CD44: variants seen among roughly 807,000 people sequenced by gnomAD.
CD44 encodes the protein CD44 molecule (IN blood group).
A neutral mutation model predicts 88.8 loss-of-function variants in CD44; 49 were observed. The observed-to-expected ratio is 0.55, with a 90% CI of 0.44 to 0.70. The LOEUF is 0.70. Among genes scored for constraint, CD44 ranks in the 30% least tolerant of loss-of-function variants. The pLI, the probability that CD44 is intolerant of heterozygous loss-of-function variation, is 0.00. For synonymous variants in CD44, 325 were observed against 312.3 expected, an observed-to-expected ratio of 1.04 and a Z score of -0.43; for missense variants, 883 against 913.8, an observed-to-expected ratio of 0.97 and a Z score of 0.43.
intron 1 of CD44, among the ~76,000 whole-genome samples, chr11:35,142,037 T>C (rs1858082517): frequency 6.6e-6 from 1 of 152,096 alleles, no homozygotes; most frequent in South Asian, 2.1e-4. Context: ...TTAAGTGACA[T>C]TGGACCCAGA....
intron 1 of CD44, among the ~76,000 whole-genome samples, chr11:35,173,461 T>A (rs1944127073): frequency 6.6e-6 from 1 of 152,174 alleles, no homozygotes. Context: ...ATCAGCCGAG[T>A]GCTGCATGAG....
chr11:35,156,006 G>A (rs1384592172), intron 1 of CD44, among the ~76,000 whole-genome samples: 2 of 152,256 alleles, frequency 1.3e-5, no homozygotes, highest in African/African-American at 4.8e-5. Flanking sequence ...GCTAATTAGT[G>A]CAAATTCAGG....
chr11:35,210,120 G>A, intron 13 of CD44, 66 bp downstream of exon 13: 1 of 903,476 alleles, frequency 1.1e-6, no homozygotes, highest in Non-Finnish European at 1.7e-6. Context: ...GGGTACTTTT[G>A]CAGTGTCTTT....
rs534092015 is a variant in CD44 at position 35,147,878 on chromosome 11, CG to C, written c.67+8511del. 3.7e-4 allele frequency among the ~76,000 whole-genome samples: 57 copies of C among 152,160 alleles called. 1 individual carries two copies. In the South Asian group the frequency reaches 0.012, roughly 32 times the overall value. On this transcript the variant is annotated intron_variant, in intron 1 of 17. Coordinates refer to ENST00000428726, the MANE Select transcript of CD44 (RefSeq NM_000610.4). ...CCGAGGCAGGCGGATGACCTGAGGT[CG>C]GGAGTTCGAGACCAGCCTGACCAAC...
chr11:35,173,005 A>G (rs1944078507), intron 1 of CD44, among the ~76,000 whole-genome samples: 1 of 152,226 alleles, frequency 6.6e-6, no homozygotes, highest in South Asian at 2.1e-4. Flanking sequence ...ATTTTGCTGA[A>G]ACTCATGAAA....
At chr11:35,157,321 G>GTCTATCTATCTATCTATCTA (rs3838798) in intron 1 of CD44, among the ~76,000 whole-genome samples, 2 of 147,178 alleles carry the variant, frequency 1.4e-5, no homozygotes, top group Non-Finnish European at 3.0e-5. Flanking sequence ...CTGTCTGTCT[G>GTCTATCTATCTATCTATCTA]TCTATCTATC....
intron 9 of CD44, 113 bp from the exon 10 acceptor site, chr11:35,204,399 C>T: frequency 4.1e-6 from 4 of 977,036 alleles, no homozygotes; most frequent in Non-Finnish European, 6.1e-6. Context: ...TGGTGCCTTT[C>T]TTTTCTACCT....
At chr11:35,147,661 TCTGCAGTGA>T (rs1403907914) in intron 1 of CD44, among the ~76,000 whole-genome samples, 1 of 151,522 alleles carries the variant, frequency 6.6e-6, no homozygotes, top group Non-Finnish European at 1.5e-5. Context: ...ACTTAACAGG[TCTGCAGTGA>T]CTTCTAGGAG....
chr11:35,139,697 T>C (rs1564984512), intron 1 of CD44: 2 of 574,316 alleles, frequency 3.5e-6, no homozygotes, highest in Non-Finnish European at 6.6e-6. Context: ...AGTCGTTGTC[T>C]GGACTAACAG....
At chr11:35,189,772 C>A (rs568486899) in intron 4 of CD44, 63 bp from the exon 5 acceptor site, 2 of 1,086,276 alleles carry the variant, frequency 1.8e-6, no homozygotes, top group Non-Finnish European at 2.8e-6. Flanking sequence ...CTATGTTAAA[C>A]GCTAATCCAC....
chr11:35,184,107 A>G (rs1945420409), intron 3 of CD44, among the ~76,000 whole-genome samples: 1 of 152,174 alleles, frequency 6.6e-6, no homozygotes, highest in African/African-American at 2.4e-5. Flanking sequence ...CTTTCCAAGC[A>G]GTACAGAGCT....
intron 7 of CD44, among the ~76,000 whole-genome samples, chr11:35,199,213 A>G (rs116519557): frequency 2.8e-3 from 434 of 152,358 alleles, no homozygotes; most frequent in African/African-American, 9.7e-3. Context: ...TGAAACCACT[A>G]TTGGTACATA....
At chr11:35,199,868 C>T (rs1947121263) in intron 7 of CD44, among the ~76,000 whole-genome samples, 1 of 149,572 alleles carries the variant, frequency 6.7e-6, no homozygotes, top group Admixed American at 6.7e-5. Flanking sequence ...TGGGTGGTAA[C>T]CCAAACAGAT....
intron 1 of CD44, among the ~76,000 whole-genome samples, chr11:35,160,963 G>T (rs1313965323): frequency 6.6e-6 from 1 of 152,128 alleles, no homozygotes; most frequent in Non-Finnish European, 1.5e-5. Flanking sequence ...TATCAAGAGA[G>T]AACACATGTA....
At chr11:35,180,136 C>T (rs1325632351) in intron 2 of CD44, 138 bp from the exon 3 acceptor site, 5 of 720,538 alleles carry the variant, frequency 6.9e-6, no homozygotes, top group Admixed American at 2.8e-5. Flanking sequence ...TTTCAAATAA[C>T]TCGGTTGTTG....
chr11:35,181,944 TAA>T (rs1491329260), intron 3 of CD44, among the ~76,000 whole-genome samples: 57 of 85,770 alleles, frequency 6.6e-4, no homozygotes, highest in South Asian at 1.4e-3. Context: ...AAATTATATA[TAA>T]TATATATAAA....
At chr11:35,172,443 A>G (rs1279255916) in intron 1 of CD44, among the ~76,000 whole-genome samples, 2 of 152,216 alleles carry the variant, frequency 1.3e-5, no homozygotes, top group Non-Finnish European at 2.9e-5. Flanking sequence ...AAGCTGAACC[A>G]GTTGAGATGT....
chr11:35,197,121 G>C (rs188644856), intron 6 of CD44: 6 of 317,328 alleles, frequency 1.9e-5, no homozygotes, highest in African/African-American at 1.3e-4. Flanking sequence ...ACTATGAAAC[G>C]GGAATAAGTT....
intron 1 of CD44, among the ~76,000 whole-genome samples, chr11:35,163,174 A>T (rs1430719799): frequency 6.6e-6 from 1 of 152,204 alleles, no homozygotes; most frequent in Non-Finnish European, 1.5e-5. Flanking sequence ...ATCCACCTGT[A>T]AGTCAGTGGT....
Sources: allele counts gnomAD v4.1 joint callset (sites outside exome capture counted in the v4.1 genomes callset), GRCh38; gene constraint gnomAD v4.1.1; transcripts MANE v1.5; gene names NCBI Gene and HGNC (gene_info 2026-07-23, HGNC 2026-07-21).